The following PDE1C variants were observed in gnomAD, a reference collection of about 807,000 sequenced individuals.
PDE1C encodes dual specificity calcium/calmodulin-dependent 3',5'-cyclic nucleotide phosphodiesterase 1C.
Under a neutral mutation model 93.1 loss-of-function variants are expected in PDE1C, and 62 were observed. The observed-to-expected ratio is 0.67, with a 90% CI of 0.54 to 0.82. The LOEUF (loss-of-function observed/expected upper bound fraction) is 0.82. PDE1C is among the 40% of genes least tolerant of loss of function. The pLI is 0.00. For synonymous variants in PDE1C, 325 were observed against 310.1 expected (o/e 1.05, Z -0.50); for missense variants, 742 against 884.6 (o/e 0.84, Z 2.04).
chr7:31,861,030 T>C (rs1037535171), intron 7 of PDE1C, among the ~76,000 whole-genome samples: 5 of 152,180 alleles, frequency 3.3e-5, no homozygotes, highest in African/African-American at 9.7e-5. Context: ...TTCATTATAC[T>C]CTAGTCAGTG....
intron 3 of PDE1C, among the ~76,000 whole-genome samples, chr7:32,079,065 G>T (rs1006021829): frequency 1.3e-5 from 2 of 152,170 alleles, no homozygotes; most frequent in African/African-American, 4.8e-5. Context: ...GATTTTCGAA[G>T]GTTGTTTTTG....
chr7:31,652,587 G>T, the PDE1C span: 1 of 1,612,514 alleles, frequency 6.2e-7, no homozygotes, highest in Non-Finnish European at 8.5e-7. Context: ...CTGGATAGAA[G>T]AAAGCAATGG....
chr7:31,741,461 TTAAC>T, the PDE1C span, among the ~76,000 whole-genome samples: 1 of 152,246 alleles, frequency 6.6e-6, no homozygotes, highest in Non-Finnish European at 1.5e-5. Flanking sequence ...ATTCCTTTCC[TTAAC>T]TAATATAATC....
chr7:32,342,151 A>G (rs1196889792), intron 1 of PDE1C, among the ~76,000 whole-genome samples: 4 of 152,220 alleles, frequency 2.6e-5, no homozygotes, highest in Non-Finnish European at 5.9e-5. Flanking sequence ...GTTAGCTGAC[A>G]TATTTCTTCA....
chr7:31,900,136 T>C (rs892913681), intron 2 of PDE1C, among the ~76,000 whole-genome samples: 3 of 152,120 alleles, frequency 2.0e-5, no homozygotes, highest in African/African-American at 7.2e-5. Context: ...CAAAAAGAAA[T>C]GTTCAAAAGT....
chr7:32,114,286 G>A (rs1007536422), intron 3 of PDE1C, among the ~76,000 whole-genome samples: 2 of 151,998 alleles, frequency 1.3e-5, no homozygotes, highest in African/African-American at 2.4e-5. Context: ...ATATACCAAC[G>A]GAACAGAACA....
chr7:31,801,953 GAA>G lies in PDE1C; in HGVS notation c.1891+7076_1891+7077del, dbSNP rs1191773842. ...TTGCATTAATATGTTTAATAGTGGT[GAA>G]GTCAGGAATTTTATATTTGTGTCTT... On this transcript the variant is annotated intron_variant, in intron 16 of 17. Coordinates refer to ENST00000396191, the MANE Select transcript of PDE1C (RefSeq NM_001191057.4). 2.6e-5 allele frequency among the ~76,000 whole-genome samples: 4 copies of G among 151,624 alleles called. No homozygotes were observed. The South Asian group carries it at 8.3e-4, about 31-fold the overall frequency.
At chr7:32,328,776 A>G (rs116577696) in intron 1 of PDE1C, among the ~76,000 whole-genome samples, 4,869 of 152,162 alleles carry the variant, frequency 0.032, 147 homozygotes, top group African/African-American at 0.079. Flanking sequence ...CGCTTACACA[A>G]TCTCCACATA....
intron 1 of PDE1C, among the ~76,000 whole-genome samples, chr7:32,421,427 A>G (rs1052227440): frequency 3.3e-5 from 5 of 152,256 alleles, no homozygotes; most frequent in Non-Finnish European, 7.3e-5. Context: ...ATGTGTGTGT[A>G]ACCAATATTG....
rs187232860 is a variant in PDE1C, at chr7:32,424,962, T to C, written c.310+2860A>G. 1.5e-3 allele frequency among the ~76,000 whole-genome samples: 234 copies of C among 152,314 alleles called. 1 individual carries two copies. Among genetic ancestry groups the C allele is most frequent in the African/African-American group, 5.4e-3 (224 of 41,572 alleles). ...AACCAGACAACCTGTGTTTAAAGTA[T>C]GTCATTTACTAGCTGTGTGACTAAT... On this transcript the variant is annotated intron_variant, in intron 1 of 1. Transcript: ENST00000672256.
intron 7 of PDE1C, among the ~76,000 whole-genome samples, chr7:31,864,670 A>G (rs1451483363): frequency 1.3e-5 from 2 of 152,212 alleles, no homozygotes; most frequent in Non-Finnish European, 2.9e-5. Flanking sequence ...ATACATATTT[A>G]GTTGTAGTCT....
chr7:31,956,672 A>T (rs1808193650), intron 2 of PDE1C, among the ~76,000 whole-genome samples: 1 of 152,098 alleles, frequency 6.6e-6, no homozygotes, highest in East Asian at 1.9e-4. Flanking sequence ...AAAAACAAAA[A>T]AAAAACCAGA....
the PDE1C span, among the ~76,000 whole-genome samples, chr7:31,681,703 C>T: frequency 6.6e-6 from 1 of 152,158 alleles, no homozygotes. Flanking sequence ...ACCAAATCAA[C>T]GTTCAGTGAA....
intron 9 of PDE1C, among the ~76,000 whole-genome samples, chr7:31,839,212 G>A (rs1403780831): frequency 7.1e-6 from 1 of 141,604 alleles, no homozygotes; most frequent in Non-Finnish European, 1.5e-5. Flanking sequence ...ATACGTATAT[G>A]TGTGTATACA....
chr7:31,906,534 G>A (rs1488030728), intron 2 of PDE1C, among the ~76,000 whole-genome samples: 1 of 152,070 alleles, frequency 6.6e-6, no homozygotes, highest in Non-Finnish European at 1.5e-5. Context: ...CCATGCTTTT[G>A]GCCACGTGTA....
chr7:31,742,159 G>A, the PDE1C span, among the ~76,000 whole-genome samples: 1 of 152,194 alleles, frequency 6.6e-6, no homozygotes, highest in Non-Finnish European at 1.5e-5. Flanking sequence ...TGTGGACAAT[G>A]AGTACACGCA....
chr7:32,306,820 C>T (rs972972144), intron 1 of PDE1C, among the ~76,000 whole-genome samples: 10 of 152,120 alleles, frequency 6.6e-5, no homozygotes, highest in African/African-American at 2.4e-4. Flanking sequence ...TACAAGAGGA[C>T]TTAGGAAGTA....
At chr7:31,878,242 G>A (rs545460069) in intron 4 of PDE1C, among the ~76,000 whole-genome samples, 3 of 152,156 alleles carry the variant, frequency 2.0e-5, no homozygotes, top group Non-Finnish European at 2.9e-5. Flanking sequence ...CCAAACATAT[G>A]AACCATGGGG....
the PDE1C span, chr7:31,658,515 AGT>A: frequency 2.4e-6 from 2 of 835,736 alleles, no homozygotes; most frequent in East Asian, 3.0e-5. Flanking sequence ...AAAGTTTTAG[AGT>A]GTTTTCATGT....
Sources: gnomAD v4.1 joint callset for allele counts (sites outside exome capture counted in the v4.1 genomes callset) on GRCh38, gnomAD v4.1.1 for gene constraint, MANE v1.5 for transcripts, NCBI Gene and HGNC (gene_info 2026-07-23, HGNC 2026-07-21) for gene names.